OPCML: variants seen among roughly 807,000 people sequenced by gnomAD.
The protein encoded by OPCML is opioid-binding protein/cell adhesion molecule.
OPCML carries 13 observed loss-of-function variants against 37.8 expected under a neutral mutation model. The ratio of observed to expected loss-of-function variants is 0.34; its 90% CI spans 0.22 to 0.55. The LOEUF is 0.55. OPCML is among the 20% of genes least tolerant of loss of function. The pLI is 0.91. For missense variants in OPCML, 341 were observed against 435.6 expected, an observed-to-expected ratio of 0.78 and a Z score of 1.93; for synonymous variants, 176 against 168.8, an observed-to-expected ratio of 1.04 and a Z score of -0.33.
chr11:133,045,214 T>G (rs1403429813), intron 1 of OPCML, among the ~76,000 whole-genome samples: 3 of 152,212 alleles, frequency 2.0e-5, no homozygotes, highest in Non-Finnish European at 4.4e-5. Context: ...TTCACACCTC[T>G]GGCAGGATGG....
intron 2 of OPCML, among the ~76,000 whole-genome samples, chr11:132,720,502 CA>C (rs1333627062): frequency 6.6e-6 from 1 of 152,124 alleles, no homozygotes; most frequent in Non-Finnish European, 1.5e-5. Flanking sequence ...CTGCATTTGC[CA>C]AAAAGAGGCT....
intron 2 of OPCML, among the ~76,000 whole-genome samples, chr11:132,815,464 G>A (rs1395842230): frequency 4.6e-5 from 7 of 152,200 alleles, no homozygotes; most frequent in East Asian, 1.9e-4. Context: ...CGCTCTTGGC[G>A]TTAAGTTTGA....
chr11:132,648,340 G>A (rs1358453377), intron 3 of OPCML, among the ~76,000 whole-genome samples: 1 of 152,136 alleles, frequency 6.6e-6, no homozygotes, highest in Admixed American at 6.5e-5. Context: ...TGGCAGACAG[G>A]TCTCTTCGGA....
intron 4 of OPCML, among the ~76,000 whole-genome samples, chr11:132,528,210 TA>T (rs1389055489): frequency 6.7e-6 from 1 of 148,680 alleles, no homozygotes; most frequent in African/African-American, 2.6e-5. Flanking sequence ...TCAATATTAC[TA>T]AGATTTACTC....
chr11:133,281,436 C>G (rs944353709), intron 1 of OPCML, among the ~76,000 whole-genome samples: 3 of 152,106 alleles, frequency 2.0e-5, no homozygotes, highest in African/African-American at 7.2e-5. Flanking sequence ...TCCCTGTCAC[C>G]TTCTGCCATG....
chr11:133,128,380 G>A (rs952692503), intron 1 of OPCML, among the ~76,000 whole-genome samples: 6 of 152,180 alleles, frequency 3.9e-5, no homozygotes, highest in South Asian at 4.2e-4. Context: ...CTTCCATTTC[G>A]AATGTAAAAA....
intron 2 of OPCML, among the ~76,000 whole-genome samples, chr11:132,922,249 C>T (rs956623652): frequency 1.5e-4 from 23 of 152,132 alleles, no homozygotes; most frequent in Admixed American, 1.5e-3. Flanking sequence ...CTATCTGAGG[C>T]ATGACTTTTG....
intron 1 of OPCML, among the ~76,000 whole-genome samples, chr11:132,956,065 A>G (rs1162345554): frequency 6.6e-6 from 1 of 152,256 alleles, no homozygotes; most frequent in Non-Finnish European, 1.5e-5. Flanking sequence ...TATCATAGCT[A>G]TTCAAGATTC....
intron 3 of OPCML, among the ~76,000 whole-genome samples, chr11:132,547,328 G>C (rs919839981): frequency 1.3e-5 from 2 of 152,160 alleles, no homozygotes; most frequent in Admixed American, 6.5e-5. Flanking sequence ...CTATTCATTT[G>C]TCTATCCCTA....
chr11:133,000,523 C>T (rs1026684705), intron 1 of OPCML, among the ~76,000 whole-genome samples: 1 of 152,272 alleles, frequency 6.6e-6, no homozygotes, highest in Non-Finnish European at 1.5e-5. Context: ...TAACAATGCC[C>T]CTCACAAGCT....
intron 2 of OPCML, among the ~76,000 whole-genome samples, chr11:132,925,661 G>T (rs367822794): frequency 2.0e-5 from 3 of 152,160 alleles, no homozygotes; most frequent in African/African-American, 4.8e-5. Context: ...GACTCCAGGG[G>T]TAGTTTCTGG....
rs1406825753 is a variant in OPCML at position 132,415,311 on chromosome 11, G to T, written c.*4882C>A. On this transcript the variant is annotated 3_prime_UTR_variant, in exon 8 of 8. Transcript: ENST00000524381. Reference sequence around the variant, plus strand: ...CCCATTGTCTGACACAGCTATAACGGCACCATTGATAAGTCATAATTTTTT... The same window carrying T: ...CCCATTGTCTGACACAGCTATAACGTCACCATTGATAAGTCATAATTTTTT... 1 of 152,494 alleles carries T rather than the reference G, an allele frequency of 6.6e-6. No homozygotes were observed. Among genetic ancestry groups the T allele is most frequent in the Non-Finnish European group, 1.5e-5 (1 of 68,042 alleles). 9.4% of individuals were successfully genotyped at this position (152,494 alleles called of 1,614,324 possible).
At chr11:133,451,563 G>T (rs1274167324) in intron 1 of OPCML, among the ~76,000 whole-genome samples, 1 of 151,648 alleles carries the variant, frequency 6.6e-6, no homozygotes, top group African/African-American at 2.4e-5. Context: ...ATTGGTTTAG[G>T]CTGAGCGTGG....
rs1374915790 is a variant in OPCML at position 133,208,972 on chromosome 11, C to G, written c.62-265962G>C. Among the ~76,000 whole-genome samples the G allele has an allele frequency of 6.6e-6, 1 of 152,152 alleles. No homozygotes were observed. Among genetic ancestry groups the G allele is most frequent in the Non-Finnish European group, 1.5e-5 (1 of 68,036 alleles). ...GGAAACAACAATAATAAAAAAATTA[C>G]CTGAAATGCTGTCCTACATTCTCTT... On this transcript the variant is annotated intron_variant, in intron 1 of 7. Coordinates refer to ENST00000524381, the MANE Select transcript of OPCML (RefSeq NM_001012393.5). The surrounding 1 kb of genome is among the most constrained non-coding windows in gnomAD (Gnocchi z 8.9).
At chr11:133,114,793 T>G (rs1436206198) in intron 1 of OPCML, among the ~76,000 whole-genome samples, 1 of 152,110 alleles carries the variant, frequency 6.6e-6, no homozygotes, top group Non-Finnish European at 1.5e-5. Context: ...GTAGGAGGAG[T>G]TAAGAGTCTC....
At chr11:132,726,765 T>TA (rs1246006162) in intron 2 of OPCML, among the ~76,000 whole-genome samples, 1 of 152,092 alleles carries the variant, frequency 6.6e-6, no homozygotes, top group Non-Finnish European at 1.5e-5. Flanking sequence ...TTATCTGCGT[T>TA]AAAAAACTGC....
chr11:133,433,475 G>C (rs1184570949), intron 1 of OPCML, among the ~76,000 whole-genome samples: 1 of 152,024 alleles, frequency 6.6e-6, no homozygotes, highest in Non-Finnish European at 1.5e-5. Flanking sequence ...TGTACGTGAT[G>C]AGCTACATGT....
intron 1 of OPCML, among the ~76,000 whole-genome samples, chr11:133,440,575 A>T (rs1946341911): frequency 3.3e-5 from 5 of 149,934 alleles, no homozygotes; most frequent in Admixed American, 3.3e-4. Flanking sequence ...AAAAATGCAA[A>T]AATTAGCTGG....
intron 2 of OPCML, among the ~76,000 whole-genome samples, chr11:132,794,334 C>T (rs374528835): frequency 1.3e-5 from 2 of 152,088 alleles, no homozygotes; most frequent in Admixed American, 6.5e-5. Flanking sequence ...ATCTGCAGGG[C>T]GCAGGGCAAA....
Sources: gnomAD v4.1 joint callset for allele counts (sites outside exome capture counted in the v4.1 genomes callset) on GRCh38, gnomAD v4.1.1 for gene constraint, Gnocchi (gnomAD v3.1) non-coding constraint, MANE v1.5 for transcripts, NCBI Gene and HGNC (gene_info 2026-07-23, HGNC 2026-07-21) for gene names.